ALDH1L1: variants seen among roughly 807,000 people sequenced by gnomAD.
ALDH1L1 encodes the protein cytosolic 10-formyltetrahydrofolate dehydrogenase.
Under a neutral mutation model 101.1 loss-of-function variants are expected in ALDH1L1, and 68 were observed. The observed-to-expected ratio is 0.67, with a 90% confidence interval of 0.55 to 0.82. The LOEUF (loss-of-function observed/expected upper bound fraction) is 0.82. Among genes scored for constraint, ALDH1L1 ranks in the 40% least tolerant of loss-of-function variants. ALDH1L1 has a pLI of 0.00. For missense variants in ALDH1L1, 1,087 were observed against 1,172.7 expected (o/e 0.93, Z 1.07); for synonymous variants, 486 against 470.8 (o/e 1.03, Z -0.42).
intron 1 of ALDH1L1, among the ~76,000 whole-genome samples, chr3:126,163,351 C>A (rs987167911): frequency 6.7e-6 from 1 of 149,676 alleles, no homozygotes; most frequent in African/African-American, 2.5e-5. Context: ...TGTGTAGATT[C>A]TTTGTGGTTT....
chr3:126,185,719 A>G (rs749376154), upstream of ALDH1L1, among the ~76,000 whole-genome samples: 1 of 152,174 alleles, frequency 6.6e-6, no homozygotes. Flanking sequence ...TCTGTTGTCC[A>G]GTGGTAACAA....
chr3:126,176,791 G>A (rs1358493958), intron 1 of ALDH1L1, among the ~76,000 whole-genome samples: 1 of 152,180 alleles, frequency 6.6e-6, no homozygotes, highest in African/African-American at 2.4e-5. Flanking sequence ...GACAAGCCAT[G>A]GTTGGGGAGA....
At chr3:126,186,134 TAAA>T (rs1472345791), upstream of ALDH1L1, among the ~76,000 whole-genome samples, 3 of 152,206 alleles carry the variant, frequency 2.0e-5, no homozygotes, top group Non-Finnish European at 1.5e-5. Context: ...TGAATGCTCT[TAAA>T]AACATAGCAC....
chr3:126,189,851 G>T (rs1033033697), intron 1 of ALDH1L1, among the ~76,000 whole-genome samples: 2 of 152,122 alleles, frequency 1.3e-5, no homozygotes, highest in African/African-American at 4.8e-5. Flanking sequence ...CTGATTCCCC[G>T]CAAAGCCAAT....
chr3:126,167,436 A>ATT (rs1201232494), intron 1 of ALDH1L1, among the ~76,000 whole-genome samples: 1 of 152,210 alleles, frequency 6.6e-6, no homozygotes, highest in Admixed American at 6.5e-5. Context: ...GTACAAACAT[A>ATT]TTCATCGCTT....
In ALDH1L1 at chr3:126,114,562, G is replaced by T; in HGVS notation, c.2077C>A (p.Gln693Lys). 1 of 1,499,542 alleles carries T rather than the reference G, an allele frequency of 6.7e-7. No homozygotes were observed. The highest frequency in any genetic ancestry group is 2.3e-5 in the East Asian group (1 of 43,182). 92.9% of individuals were successfully genotyped at this position (1,499,542 alleles called of 1,614,324 possible). ...FADCDLNKAV[Q>K]MGMSSVFFNK... is the part of the protein sequence containing the mutation. The stretch of plus-strand genomic sequence containing the variant: ...CCTCCAGGCCCGGCCCTCACCATCT[G>T]CACAGCCTTGTTGAGGTCACAGTCA... The change falls in exon 18 of 23, where the codon CAG becomes AAG. Residue 693 changes from glutamine to lysine, a missense_variant. Physicochemically the swap from Gln to Lys is moderately conservative, Grantham distance 53. Coordinates refer to ENST00000393434, the MANE Select transcript of ALDH1L1 (RefSeq NM_012190.4).
upstream of ALDH1L1, chr3:126,181,151 C>T (rs1156493653): frequency 2.7e-6 from 2 of 727,820 alleles, no homozygotes; most frequent in Non-Finnish European, 4.7e-6. Flanking sequence ...TCCCCTTCTC[C>T]ACTCTCTCCC....
intron 1 of ALDH1L1, among the ~76,000 whole-genome samples, chr3:126,162,287 G>C (rs139018678): frequency 2.2e-4 from 34 of 152,278 alleles, no homozygotes; most frequent in African/African-American, 1.7e-4. Context: ...GACGCTGCCA[G>C]TTTTCCAGAG....
chr3:126,181,241 G>A, upstream of ALDH1L1: 2 of 576,590 alleles, frequency 3.5e-6, no homozygotes, highest in Non-Finnish European at 6.2e-6. Flanking sequence ...GCAAGGCCAT[G>A]TAGAATGCCG....
chr3:126,132,785 A>G (rs2080341209), intron 12 of ALDH1L1, among the ~76,000 whole-genome samples: 1 of 138,380 alleles, frequency 7.2e-6, no homozygotes, highest in Non-Finnish European at 1.5e-5. Flanking sequence ...CAGGTAGATG[A>G]TAATTTCATC....
intron 12 of ALDH1L1, among the ~76,000 whole-genome samples, chr3:126,131,883 G>A (rs112683157): frequency 0.017 from 2,575 of 152,364 alleles, 64 homozygotes; most frequent in African/African-American, 0.059. Context: ...CCAAGAGGCT[G>A]CCCTTCCTGT....
At chr3:126,167,443 G>A (rs1639779376) in intron 1 of ALDH1L1, among the ~76,000 whole-genome samples, 1 of 152,178 alleles carries the variant, frequency 6.6e-6, no homozygotes, top group African/African-American at 2.4e-5. Flanking sequence ...CATATTCATC[G>A]CTTTAACAAG....
intron 12 of ALDH1L1, among the ~76,000 whole-genome samples, chr3:126,132,300 C>T (rs1482979005): frequency 6.6e-6 from 1 of 152,178 alleles, no homozygotes; most frequent in Non-Finnish European, 1.5e-5. Context: ...CAGCCGTTTC[C>T]CACACTGCTC....
chr3:126,109,116 G>C (rs1307626948), intron 20 of ALDH1L1, among the ~76,000 whole-genome samples: 1 of 152,234 alleles, frequency 6.6e-6, no homozygotes, highest in East Asian at 1.9e-4. Flanking sequence ...GTCACAGAAA[G>C]AGAAGAGTCA....
At chr3:126,137,671 GGA>G in intron 10 of ALDH1L1, 140 bp downstream of exon 10, 2 of 1,198,630 alleles carry the variant, frequency 1.7e-6, no homozygotes, top group Non-Finnish European at 2.3e-6. Flanking sequence ...CCGGGTGCAG[GGA>G]GAGTGTGGGA....
intron 1 of ALDH1L1, among the ~76,000 whole-genome samples, chr3:126,188,148 A>G (rs917423116): frequency 1.3e-5 from 2 of 152,252 alleles, no homozygotes; most frequent in African/African-American, 2.4e-5. Context: ...TATTTGTGAC[A>G]TGAGTATACA....
chr3:126,155,648 T>C (rs1014883449), intron 4 of ALDH1L1, 145 bp from the exon 5 acceptor site: 28 of 600,674 alleles, frequency 4.7e-5, no homozygotes, highest in Non-Finnish European at 6.4e-5. Flanking sequence ...ACCTGCCATA[T>C]GAACAAGGGA....
chr3:126,114,572 G>A lies in ALDH1L1; in HGVS notation c.2067C>T (p.Asn689=). ...CGGCCCTCACCATCTGCACAGCCTT[G>A]TTGAGGTCACAGTCAGCAAAGATGA... ...PLIIFADCDL[N]KAVQMGMSSV... The change falls in exon 18 of 23, where the codon AAC becomes AAT. Residue 689 remains asparagine, a synonymous_variant. Coordinates refer to ENST00000393434, the MANE Select transcript of ALDH1L1 (RefSeq NM_012190.4). The A allele has an allele frequency of 1.3e-6, 2 of 1,508,572 alleles. No homozygotes were observed. Among genetic ancestry groups the A allele is most frequent in the African/African-American group, 2.8e-5 (2 of 71,626 alleles). 93.4% of individuals were successfully genotyped at this position (1,508,572 alleles called of 1,614,324 possible). A position where few individuals can be genotyped will look rare whatever the true frequency, so the allele number is the denominator to read the frequency against.
chr3:126,135,301 C>G, intron 12 of ALDH1L1: 1 of 440,514 alleles, frequency 2.3e-6, no homozygotes, highest in South Asian at 2.7e-5. Context: ...GGCACCTCCC[C>G]TGAGCCCACT....
Sources: gnomAD v4.1 joint callset for allele counts (sites outside exome capture counted in the v4.1 genomes callset) on GRCh38, gnomAD v4.1.1 for gene constraint, MANE v1.5 for transcripts, NCBI Gene and HGNC (gene_info 2026-07-23, HGNC 2026-07-21) for gene names.